Variants in RXRB observed in about 807,000 individuals in gnomAD.
The protein encoded by RXRB is retinoic acid receptor RXR-beta.
Under a neutral mutation model 52.5 loss-of-function variants are expected in RXRB, and 18 were observed. The observed-to-expected ratio is 0.34, with a 90% CI of 0.24 to 0.51. RXRB has a LOEUF of 0.51. Among genes scored for constraint, RXRB ranks in the 20% least tolerant of loss-of-function variants. The pLI is 0.97. For missense variants in RXRB, 455 were observed against 698.2 expected, an observed-to-expected ratio of 0.65 and a Z score of 3.92; for synonymous variants, 233 against 267.1, an observed-to-expected ratio of 0.87 and a Z score of 1.25.
intron 2 of RXRB, among the ~76,000 whole-genome samples, 156 bp downstream of exon 2, chr6:33,199,013 A>G (rs1368019940): frequency 6.6e-6 from 1 of 152,112 alleles, no homozygotes; most frequent in Non-Finnish European, 1.5e-5. Context: ...CAGTCACCTC[A>G]GGAAAGGCAA....
chr6:33,196,913 T>A lies in RXRB; in HGVS notation c.821-307A>T, dbSNP rs17215168. On this transcript the variant is annotated intron_variant, in intron 4 of 9. Coordinates refer to ENST00000374680, the MANE Select transcript of RXRB (RefSeq NM_021976.5). The surrounding 1 kb of genome is among the most constrained non-coding windows in gnomAD (Gnocchi z 4.0). ...TGAGAAAGCTGATTGAAAAAAAAAA[T>A]TTTTTTAAATAAAATATGCCAAGAA... Among the ~76,000 whole-genome samples the A allele has an allele frequency of 0.13, 19,111 of 151,704 alleles. 1,954 individuals are homozygous for A. The highest frequency in any genetic ancestry group is 0.55 in the East Asian group (2,851 of 5,162).
Position 33,195,099 on chromosome 6 carries a change from TCAGGATGGCCATGCAGATGTGAGCCA to T in RXRB, c.1349-75_1349-50del. 8 of 1,353,308 alleles carry T rather than the reference TCAGGATGGCCATGCAGATGTGAGCCA, an allele frequency of 5.9e-6. No homozygotes were observed. The highest frequency in any genetic ancestry group is 8.5e-6 in the Non-Finnish European group (8 of 945,444). 83.8% of individuals were successfully genotyped at this position (1,353,308 alleles called of 1,614,324 possible). ...GGAAGAGAAATGAAGACAAACCAAA[TCAGGATGGCCATGCAGATGTGAGCCA>T]CAGGATGCCCCTTTTGGGCTGCACT... On this transcript the variant is annotated intron_variant, in intron 8 of 9. Coordinates refer to ENST00000374680, the MANE Select transcript of RXRB (RefSeq NM_021976.5). The surrounding 1 kb of genome is among the most constrained non-coding windows in gnomAD (Gnocchi z 8.6).
Position 33,195,520 on chromosome 6 carries a change from A to G in RXRB, c.1256+50T>C. 1.9e-6 allele frequency: 3 copies of G among 1,612,930 alleles called. No homozygotes were observed. The highest frequency in any genetic ancestry group is 2.5e-6 in the Non-Finnish European group (3 of 1,179,900). On this transcript the variant is annotated intron_variant, in intron 7 of 9. Coordinates refer to ENST00000374680, the MANE Select transcript of RXRB (RefSeq NM_021976.5). This position sits in a 1 kb window ranked among gnomAD's most constrained non-coding sequence, Gnocchi z 8.6. ...GCCAGCCTTGGACACGGACCAGCCT[A>G]TAGCCCCACCCCCTCTATCTACATG...
At position 33,194,941 on chromosome 6, in the gene RXRB, T is replaced by G; in HGVS notation, c.1454+4A>C. 6.2e-7 allele frequency: 1 copy of G among 1,611,820 alleles called. No homozygotes were observed. Among genetic ancestry groups the G allele is most frequent in the African/African-American group, 1.3e-5 (1 of 74,908 alleles). On this transcript the variant is annotated splice_donor_region_variant and intron_variant, in intron 9 of 9. Transcript: ENST00000374680. This position sits in a 1 kb window ranked among gnomAD's most constrained non-coding sequence, Gnocchi z 4.1. ...AGCCTCAGTGCCCCCCAGCCCCATC[T>G]CACCGTCCCTGCTGCTCAGGGTACT...
chr6:33,200,281 C>G lies in RXRB; in HGVS notation c.196G>C (p.Gly66Arg), dbSNP rs748869683. 16 of 1,606,448 alleles carry G rather than the reference C, an allele frequency of 1.0e-5. No individual in the cohort carries two copies. The Admixed American group carries it at 1.0e-4, about 10-fold the overall frequency. Reference protein sequence around the residue: ...GEQQTPEPEPGEAGRDGMGDS... With the variant: ...GEQQTPEPEPREAGRDGMGDS... The stretch of plus-strand genomic sequence containing the variant: ...CCCATCCCGTCCCGTCCAGCCTCCC[C>G]TGGCTCCGGCTCCGGGGTTTGTTGT... The change falls in exon 1 of 10, where the codon GGG (glycine) becomes CGG (arginine). Residue 66 changes from glycine to arginine, a missense_variant. Gly to Arg is a moderately radical substitution (Grantham distance 125). Around this residue, in one of 4 missense-constraint regions of RXRB, gnomAD observed 225 missense variants for 258.6 expected, o/e 0.87. Coordinates refer to ENST00000374680, the MANE Select transcript of RXRB (RefSeq NM_021976.5). The surrounding 1 kb of genome is among the most constrained non-coding windows in gnomAD (Gnocchi z 6.3).
chr6:33,199,067 G>T (rs1774176120), intron 2 of RXRB, 102 bp downstream of exon 2: 1 of 819,642 alleles, frequency 1.2e-6, no homozygotes, highest in African/African-American at 1.8e-5. Context: ...TAGAGGATTG[G>T]AAGGTCAATG....
chr6:33,200,298 G>T lies in RXRB; in HGVS notation c.179C>A (p.Thr60Asn), dbSNP rs1774384550. The T allele has an allele frequency of 1.2e-6, 2 of 1,602,308 alleles. No individual in the cohort carries two copies. The highest frequency in any genetic ancestry group is 2.3e-5 in the East Asian group (1 of 44,440). ...AAAVAGGEQQTPEPEPGEAGR... is the reference protein window; with the variant it reads ...AAAVAGGEQQNPEPEPGEAGR... ...AGCCTCCCCTGGCTCCGGCTCCGGG[G>T]TTTGTTGTTCTCCGCCTGCCACCGC... Residue 60 changes from threonine (T) to asparagine (N), a missense_variant, in exon 1 of 10, where the codon ACC becomes AAC. By Grantham distance (65) the Thr-to-Asn change is moderately conservative. Transcript: ENST00000374680. The surrounding 1 kb of genome is among the most constrained non-coding windows in gnomAD (Gnocchi z 6.3).
rs1773963696 is a variant in RXRB, at chr6:33,197,078, C to T, written c.821-472G>A. 6.6e-6 allele frequency among the ~76,000 whole-genome samples: 1 copy of T among 152,182 alleles called. No individual in the cohort carries two copies. The highest frequency in any genetic ancestry group is 6.5e-5 in the Admixed American group (1 of 15,286). On this transcript the variant is annotated intron_variant, in intron 4 of 9. Coordinates refer to ENST00000374680, the MANE Select transcript of RXRB (RefSeq NM_021976.5). This position sits in a 1 kb window ranked among gnomAD's most constrained non-coding sequence, Gnocchi z 4.4. ...ATATAATACATGGCAGGTCATACAA[C>T]TGACTCTAAGTGTGTCTGAGTGCAA...
chr6:33,199,945 G>A (rs943893145), intron 1 of RXRB: 1 of 733,448 alleles, frequency 1.4e-6, no homozygotes, highest in African/African-American at 1.7e-5. Flanking sequence ...CCCCTCCTAA[G>A]ACGCAGGATC....
chr6:33,198,297 G>T lies in RXRB; in HGVS notation c.640+11C>A. On this transcript the variant is annotated intron_variant, in intron 3 of 9. Coordinates refer to ENST00000374680, the MANE Select transcript of RXRB (RefSeq NM_021976.5). ...GACTCTCCCTCTCTGTTCATCCTCT[G>T]AGCCACATACCTGAGCTTCTGTCCC... The T allele has an allele frequency of 6.2e-7, 1 of 1,612,948 alleles. No individual in the cohort carries two copies. Among genetic ancestry groups the T allele is most frequent in the Non-Finnish European group, 8.5e-7 (1 of 1,179,944 alleles).
chr6:33,197,814 G>A lies in RXRB; in HGVS notation c.768C>T (p.Arg256=), dbSNP rs752161441. The change falls in exon 4 of 10, where the codon CGC becomes CGT. Residue 256 remains arginine (R), a synonymous_variant. Coordinates refer to ENST00000374680, the MANE Select transcript of RXRB (RefSeq NM_021976.5). The surrounding 1 kb of genome is among the most constrained non-coding windows in gnomAD (Gnocchi z 4.4). ...DCTVDKRQRN[R]CQYCRYQKCL... ...ACTTCTGATAGCGGCAGTACTGACA[G>A]CGGTTCCGCTGGCGCTTGTCCACTG... The A allele has an allele frequency of 1.2e-6, 2 of 1,613,864 alleles. No homozygotes were observed. The highest frequency in any genetic ancestry group is 1.7e-6 in the Non-Finnish European group (2 of 1,180,044).
Position 33,195,122 on chromosome 6 carries a change from G to T in RXRB, c.1349-72C>A. The T allele has an allele frequency of 9.0e-7, 1 of 1,106,820 alleles. No homozygotes were observed. The highest frequency in any genetic ancestry group is 1.4e-6 in the Non-Finnish European group (1 of 726,856). 68.6% of individuals were successfully genotyped at this position (1,106,820 alleles called of 1,614,324 possible). On this transcript the variant is annotated intron_variant, in intron 8 of 9. Transcript: ENST00000374680. The surrounding 1 kb of genome is among the most constrained non-coding windows in gnomAD (Gnocchi z 8.6). ...AATCAGGATGGCCATGCAGATGTGA[G>T]CCACAGGATGCCCCTTTTGGGCTGC... is the stretch of plus-strand genomic sequence containing the variant.
At chr6:33,198,652 C>A (rs183549244) in intron 2 of RXRB, 188 bp from the exon 3 acceptor site, 6 of 712,278 alleles carry the variant, frequency 8.4e-6, no homozygotes, top group South Asian at 1.5e-5. Flanking sequence ...TAAACAGGCC[C>A]CCCCTGAAAT....
chr6:33,199,979 G>A (rs765093767), intron 1 of RXRB: 2 of 758,298 alleles, frequency 2.6e-6, no homozygotes, highest in Non-Finnish European at 4.8e-6. Context: ...CCAAAGTCCT[G>A]AGGTTTAAGA....
intron 2 of RXRB, 189 bp from the exon 3 acceptor site, chr6:33,198,653 C>A (rs529484509): frequency 5.2e-5 from 37 of 711,182 alleles, no homozygotes; most frequent in South Asian, 5.1e-4. Context: ...AAACAGGCCC[C>A]CCCTGAAATT....
In RXRB at chr6:33,200,632, G is replaced by C. The variant is rs1774441702; in HGVS notation, c.-156C>G. ...CGCTCTGCTCAGTACCAAAATGACA[G>C]CGCCAATGTGGCAGCCATCTTTGTA... On this transcript the variant is annotated 5_prime_UTR_variant, in exon 1 of 10. Coordinates refer to ENST00000374680, the MANE Select transcript of RXRB (RefSeq NM_021976.5). The surrounding 1 kb of genome is among the most constrained non-coding windows in gnomAD (Gnocchi z 6.3). The C allele has an allele frequency of 6.6e-7, 1 of 1,512,626 alleles. No individual in the cohort carries two copies. The highest frequency in any genetic ancestry group is 1.4e-5 in the African/African-American group (1 of 72,390). The allele number at this position is 1,512,626 out of a possible 1,614,324, so 93.7% of individuals were successfully genotyped here. A position where few individuals can be genotyped will look rare whatever the true frequency, so the allele number is the denominator to read the frequency against.
chr6:33,198,558 G>T, intron 2 of RXRB, 94 bp from the exon 3 acceptor site: 1 of 1,165,380 alleles, frequency 8.6e-7, no homozygotes, highest in Non-Finnish European at 1.3e-6. Flanking sequence ...ACTAAGCAAG[G>T]CCCTGCAATG....
chr6:33,195,424 A>C lies in RXRB; in HGVS notation c.1287T>G (p.Arg429=). The change falls in exon 8 of 10, where the codon CGT becomes CGG. Residue 429 remains arginine (R), a synonymous_variant. Coordinates refer to ENST00000374680, the MANE Select transcript of RXRB (RefSeq NM_021976.5). This position sits in a 1 kb window ranked among gnomAD's most constrained non-coding sequence, Gnocchi z 8.6. ...GCTCTGTCTTGTCCATCCTCATGTC[A>C]CGCATTTTGGACACTAGCTCTGTCA... ...RVLTELVSKM[R]DMRMDKTELG... is the part of the protein sequence containing the mutation. The C allele has an allele frequency of 6.2e-7, 1 of 1,612,856 alleles. No individual in the cohort carries two copies. The highest frequency in any genetic ancestry group is 8.5e-7 in the Non-Finnish European group (1 of 1,179,844).
chr6:33,200,786 T>C (rs1199581911), upstream of RXRB: 3 of 1,529,250 alleles, frequency 2.0e-6, no homozygotes, highest in Non-Finnish European at 2.6e-6. The surrounding 1 kb of genome is among the most constrained non-coding windows in gnomAD (Gnocchi z 6.3). Context: ...CGCGCATGCG[T>C]GTCAGTGCAG....
Sources: allele counts gnomAD v4.1 joint callset (sites outside exome capture counted in the v4.1 genomes callset), GRCh38; gene constraint gnomAD v4.1.1; regional missense constraint gnomAD v4.1.1; non-coding constraint Gnocchi (gnomAD v3.1); transcripts MANE v1.5; gene names NCBI Gene and HGNC (gene_info 2026-07-23, HGNC 2026-07-21).